Variants in DZANK1 observed in about 807,000 individuals in gnomAD.
DZANK1 encodes the protein double zinc ribbon and ankyrin repeat-containing protein 1.
A neutral mutation model predicts 94.5 loss-of-function variants in DZANK1; 91 were observed. The observed-to-expected ratio is 0.96, with a 90% confidence interval of 0.81 to 1.15. The LOEUF (loss-of-function observed/expected upper bound fraction) is 1.15. DZANK1 is among the 50% of genes most tolerant of loss of function. DZANK1 has a pLI of 0.00. For synonymous variants in DZANK1, 312 were observed against 325.3 expected (o/e 0.96, Z 0.44); for missense variants, 903 against 916.4 (o/e 0.99, Z 0.19).
rs2058708381 is a variant in DZANK1, at chr20:18,441,321, C to T, written c.747+2026G>A. On this transcript the variant is annotated intron_variant, in intron 8 of 20. Coordinates refer to ENST00000262547, the Ensembl canonical transcript of DZANK1. This position sits in a 1 kb window ranked among gnomAD's most constrained non-coding sequence, Gnocchi z 4.1. ...TTCCCAAGCAAAGGACAAGACCAAACCACTTCCAAAATCCCATTTCCCAGT... is the reference window on the plus strand; with the variant it reads ...TTCCCAAGCAAAGGACAAGACCAAATCACTTCCAAAATCCCATTTCCCAGT... 6.6e-6 allele frequency among the ~76,000 whole-genome samples: 1 copy of T among 152,192 alleles called. No homozygotes were observed. Among genetic ancestry groups the T allele is most frequent in the Non-Finnish European group, 1.5e-5 (1 of 68,038 alleles).
At chr20:18,393,838 AT>A (rs775438834) in intron 16 of DZANK1, 27 bp from the exon 17 acceptor site, 1 of 1,451,156 alleles carries the variant, frequency 6.9e-7, no homozygotes, top group Admixed American at 1.7e-5. Context: ...GGGGAAAAAA[AT>A]GATGCCCCTC....
chr20:18,393,824 A>G lies in DZANK1; in HGVS notation c.1709-13T>C. On this transcript the variant is annotated splice_polypyrimidine_tract_variant and intron_variant, in intron 16 of 20. Coordinates refer to ENST00000262547, the Ensembl canonical transcript of DZANK1. The stretch of plus-strand genomic sequence containing the variant: ...CTGTAGTCACTCACTGAAATGACAC[A>G]GTTGGGGAAAAAAATGATGCCCCTC... 3 of 1,578,404 alleles carry G rather than the reference A, an allele frequency of 1.9e-6. No homozygotes were observed. Among genetic ancestry groups the G allele is most frequent in the Non-Finnish European group, 2.6e-6 (3 of 1,152,462 alleles).
intron 6 of DZANK1, among the ~76,000 whole-genome samples, chr20:18,450,694 C>T (rs1221006199): frequency 6.6e-6 from 1 of 152,190 alleles, no homozygotes; most frequent in African/African-American, 2.4e-5. Context: ...TAAGTGTGAG[C>T]AGCCATGCAA....
intron 7 of DZANK1, among the ~76,000 whole-genome samples, chr20:18,445,795 C>T (rs6136381): frequency 0.11 from 16,093 of 152,094 alleles, 1,433 homozygotes; most frequent in East Asian, 0.51. Context: ...CTTCCTCTGT[C>T]GCACAGGCTG....
At position 18,449,088 on chromosome 20, in the gene DZANK1, G is replaced by C; in HGVS notation, c.544-19C>G. ...CGGGGGACTAAAATTAAGAATATAG[G>C]TATAAAGACAGAGTCATATAGTCAA... On this transcript the variant is annotated intron_variant, in intron 6 of 20. Coordinates refer to ENST00000262547, the Ensembl canonical transcript of DZANK1. The C allele has an allele frequency of 6.3e-7, 1 of 1,599,212 alleles. No homozygotes were observed. The highest frequency in any genetic ancestry group is 8.6e-7 in the Non-Finnish European group (1 of 1,167,258).
intron 2 of DZANK1, among the ~76,000 whole-genome samples, chr20:18,464,608 C>CA (rs2059580923): frequency 1.4e-5 from 2 of 147,114 alleles, no homozygotes; most frequent in African/African-American, 5.0e-5. Context: ...ATCAGTAGGT[C>CA]AAATTTATTA....
chr20:18,457,436 C>CA (rs566501498), intron 3 of DZANK1, among the ~76,000 whole-genome samples: 37 of 152,228 alleles, frequency 2.4e-4, no homozygotes, highest in African/African-American at 8.9e-4. Context: ...AAGATCACAC[C>CA]ACTACACTCC....
In DZANK1 at chr20:18,390,545, G is replaced by A. The variant is rs2055903883; in HGVS notation, c.1810-86C>T. On this transcript the variant is annotated intron_variant, in intron 17 of 20. Transcript: ENST00000262547. ...CTTTCTTTCCAACATTGAATTCTAA[G>A]TCACAAGGACAGGTGACTATGAGTG... The A allele has an allele frequency of 2.3e-6, 3 of 1,328,516 alleles. No individual in the cohort carries two copies. In the African/African-American group the frequency reaches 4.3e-5, roughly 19 times the overall value. 82.3% of individuals were successfully genotyped at this position (1,328,516 alleles called of 1,614,324 possible).
chr20:18,390,429 C>T (rs758735881), exon 18 of DZANK1: 43 of 1,613,800 alleles, frequency 2.7e-5, no homozygotes, highest in Middle Eastern at 1.6e-4. Flanking sequence ...CCCGTGGGTC[C>T]GACTTCCTTC....
intron 6 of DZANK1, among the ~76,000 whole-genome samples, chr20:18,450,526 A>G (rs2059062668): frequency 6.6e-6 from 1 of 152,274 alleles, no homozygotes; most frequent in Non-Finnish European, 1.5e-5. Flanking sequence ...TTTAACTAAC[A>G]GTCAAAACTT....
chr20:18,434,029 A>G, intron 8 of DZANK1: 1 of 379,456 alleles, frequency 2.6e-6, no homozygotes, highest in Non-Finnish European at 4.7e-6. Flanking sequence ...CATTATTTGT[A>G]TCAAATAACA....
chr20:18,424,549 C>A (rs1423179926), intron 10 of DZANK1, among the ~76,000 whole-genome samples: 1 of 151,912 alleles, frequency 6.6e-6, no homozygotes, highest in Non-Finnish European at 1.5e-5. Context: ...AAACTGGAAC[C>A]TTTATATATT....
intron 9 of DZANK1, among the ~76,000 whole-genome samples, chr20:18,429,613 T>C (rs923113282): frequency 6.6e-6 from 1 of 152,142 alleles, no homozygotes; most frequent in African/African-American, 2.4e-5. Flanking sequence ...CCGCAGCCCA[T>C]GGTTTACATT....
At chr20:18,405,804 G>A (rs937947940) in intron 13 of DZANK1, among the ~76,000 whole-genome samples, 3 of 152,148 alleles carry the variant, frequency 2.0e-5, no homozygotes, top group African/African-American at 4.8e-5. Flanking sequence ...CAGGAGAGAC[G>A]GTCTTGAATC....
At chr20:18,427,795 T>C (rs969227274) in intron 9 of DZANK1, among the ~76,000 whole-genome samples, 1 of 152,144 alleles carries the variant, frequency 6.6e-6, no homozygotes, top group Admixed American at 6.5e-5. Flanking sequence ...ATGTTAAATA[T>C]GAATTTAGGT....
At chr20:18,437,611 A>G (rs1441503741) in intron 8 of DZANK1, among the ~76,000 whole-genome samples, 1 of 152,018 alleles carries the variant, frequency 6.6e-6, no homozygotes, top group Non-Finnish European at 1.5e-5. Context: ...AAAAGAAAAG[A>G]AAAAGAAAGA....
At chr20:18,427,045 T>C (rs774394727) in intron 10 of DZANK1, 22 bp downstream of exon 10, 5 of 1,556,582 alleles carry the variant, frequency 3.2e-6, no homozygotes, top group Non-Finnish European at 4.4e-6. Context: ...AAATATAGGA[T>C]TGGCACATGC....
intron 8 of DZANK1, among the ~76,000 whole-genome samples, chr20:18,434,625 A>G (rs905003487): frequency 6.6e-6 from 1 of 151,978 alleles, no homozygotes; most frequent in Non-Finnish European, 1.5e-5. Context: ...CCCTGAAGTC[A>G]TTGAAAGGCA....
intron 2 of DZANK1, among the ~76,000 whole-genome samples, chr20:18,460,558 T>C (rs187848752): frequency 1.3e-5 from 2 of 152,200 alleles, no homozygotes; most frequent in East Asian, 1.9e-4. Context: ...TGAAACCCCA[T>C]CTCTACTAAA....
Sources: allele counts gnomAD v4.1 joint callset (sites outside exome capture counted in the v4.1 genomes callset), GRCh38; gene constraint gnomAD v4.1.1; non-coding constraint Gnocchi (gnomAD v3.1); transcripts MANE v1.5; gene names NCBI Gene and HGNC (gene_info 2026-07-23, HGNC 2026-07-21).